KCNIP1: variants seen among roughly 807,000 people sequenced by gnomAD.
KCNIP1 encodes the protein A-type potassium channel modulatory protein KCNIP1.
Under a neutral mutation model 33.0 loss-of-function variants are expected in KCNIP1, and 18 were observed. The ratio of observed to expected loss-of-function variants is 0.55; its 90% CI spans 0.38 to 0.81. KCNIP1 has a LOEUF of 0.81. Ranked by LOEUF, KCNIP1 falls within the 30% of genes least tolerant of loss-of-function variation. The probability of loss-of-function intolerance (pLI) is 0.00; values close to 1 mark genes in which losing one functional copy is unlikely to be tolerated. For missense variants in KCNIP1, 238 were observed against 271.6 expected, an observed-to-expected ratio of 0.88 and a Z score of 0.87; for synonymous variants, 93 against 98.3, an observed-to-expected ratio of 0.95 and a Z score of 0.32.
intron 1 of KCNIP1, among the ~76,000 whole-genome samples, chr5:170,432,723 C>A (rs1755771790): frequency 6.6e-6 from 1 of 152,172 alleles, no homozygotes; most frequent in Non-Finnish European, 1.5e-5. Flanking sequence ...ACAAAGACTA[C>A]CTTGAACCGG....
At chr5:170,519,374 G>A (rs769980238) in intron 1 of KCNIP1, among the ~76,000 whole-genome samples, 35 of 152,136 alleles carry the variant, frequency 2.3e-4, no homozygotes, top group Non-Finnish European at 4.3e-4. Flanking sequence ...TGGCCTGCAG[G>A]CATTTGGGTT....
rs1391977178 is a variant in KCNIP1, at chr5:170,504,907, AG to A, written c.61+276del. Among the ~76,000 whole-genome samples, 1 of 152,242 alleles carries A rather than the reference AG, an allele frequency of 6.6e-6. No homozygotes were observed. Among genetic ancestry groups the A allele is most frequent in the Non-Finnish European group, 1.5e-5 (1 of 68,038 alleles). On this transcript the variant is annotated intron_variant, in intron 1 of 7. Transcript: ENST00000328939. This position sits in a 1 kb window ranked among gnomAD's most constrained non-coding sequence, Gnocchi z 6.0. Reference sequence around the variant, plus strand: ...TCCTGGGGAAATCTCTGAGAGCCGAAGGAAGCGGCATGTTCACAGGTGGGGG... The same window carrying A: ...TCCTGGGGAAATCTCTGAGAGCCGAAGAAGCGGCATGTTCACAGGTGGGGG...
chr5:170,420,230 C>A (rs1755446284), intron 1 of KCNIP1, among the ~76,000 whole-genome samples: 1 of 152,178 alleles, frequency 6.6e-6, no homozygotes, highest in Non-Finnish European at 1.5e-5. Flanking sequence ...CCTGAGACAG[C>A]AGGGCCAGCC....
At chr5:170,640,773 G>A (rs755955931) in intron 1 of KCNIP1, among the ~76,000 whole-genome samples, 2 of 152,142 alleles carry the variant, frequency 1.3e-5, no homozygotes, top group African/African-American at 2.4e-5. Context: ...TCCCCAACAC[G>A]CCTTCTTGTC....
chr5:170,599,302 C>T (rs550217862), intron 1 of KCNIP1, among the ~76,000 whole-genome samples: 35 of 152,262 alleles, frequency 2.3e-4, no homozygotes, highest in African/African-American at 8.4e-4. Context: ...CACCGCAGCA[C>T]ACCGTGCATC....
At chr5:170,392,583 G>A (rs747802728) in intron 1 of KCNIP1, among the ~76,000 whole-genome samples, 16 of 152,262 alleles carry the variant, frequency 1.1e-4, no homozygotes, top group Admixed American at 5.9e-4. Context: ...AGCACTTTTC[G>A]AGACCAAGGC....
intron 1 of KCNIP1, among the ~76,000 whole-genome samples, chr5:170,415,097 T>C (rs1755292593): frequency 6.6e-6 from 1 of 152,238 alleles, no homozygotes; most frequent in Non-Finnish European, 1.5e-5. Context: ...TCCTGTCATA[T>C]ATATTTTTCT....
At chr5:170,735,337 G>A (rs961081981) in intron 7 of KCNIP1, among the ~76,000 whole-genome samples, 12 of 151,870 alleles carry the variant, frequency 7.9e-5, no homozygotes, top group African/African-American at 2.4e-4. Context: ...AAAATATCTC[G>A]AATAAAAATA....
In KCNIP1 at chr5:170,504,181, G is replaced by A; in HGVS notation, c.-392G>A. The A allele has an allele frequency of 2.2e-5, 22 of 1,014,896 alleles. No homozygotes were observed. The highest frequency in any genetic ancestry group is 2.4e-5 in the Non-Finnish European group (20 of 850,004). The allele number at this position is 1,014,896 out of a possible 1,614,324, so 62.9% of individuals were successfully genotyped here. A position where few individuals can be genotyped will look rare whatever the true frequency, so the allele number is the denominator to read the frequency against. On this transcript the variant is annotated 5_prime_UTR_variant, in exon 1 of 8. Coordinates refer to ENST00000328939, the MANE Select transcript of KCNIP1 (RefSeq NM_014592.4). This position sits in a 1 kb window ranked among gnomAD's most constrained non-coding sequence, Gnocchi z 6.0. Reference sequence around the variant, plus strand: ...GAGCCGAGTGTGCGGCAGGAGGGGCGGGCGGACGGCGGCTCCCGCACCGCA... The same window carrying A: ...GAGCCGAGTGTGCGGCAGGAGGGGCAGGCGGACGGCGGCTCCCGCACCGCA...
At chr5:170,509,329 A>G (rs541687326) in intron 1 of KCNIP1, among the ~76,000 whole-genome samples, 1 of 152,300 alleles carries the variant, frequency 6.6e-6, no homozygotes, top group African/African-American at 2.4e-5. Context: ...ATCCCAGAAG[A>G]AGCTCAATGG....
intron 1 of KCNIP1, among the ~76,000 whole-genome samples, chr5:170,572,551 A>G (rs370100680): frequency 6.6e-6 from 1 of 152,240 alleles, no homozygotes; most frequent in South Asian, 2.1e-4. Flanking sequence ...TGGTGTGCAG[A>G]AATCACTCGC....
At chr5:170,679,691 A>G (rs983937416) in intron 1 of KCNIP1, among the ~76,000 whole-genome samples, 4 of 148,934 alleles carry the variant, frequency 2.7e-5, no homozygotes, top group Non-Finnish European at 4.5e-5. Context: ...TAATATTAAC[A>G]TTGGTAATAG....
chr5:170,580,166 G>C (rs1044180000), intron 1 of KCNIP1, among the ~76,000 whole-genome samples: 6 of 152,056 alleles, frequency 3.9e-5, no homozygotes, highest in Admixed American at 1.3e-4. Flanking sequence ...ACTGGTCCAC[G>C]TCCAGTGGGT....
At chr5:170,672,964 C>T (rs999642849) in intron 1 of KCNIP1, among the ~76,000 whole-genome samples, 9 of 152,230 alleles carry the variant, frequency 5.9e-5, no homozygotes, top group Non-Finnish European at 1.3e-4. Flanking sequence ...TTTTCAGAAT[C>T]TATAGAATCA....
chr5:170,371,423 AGTT>A (rs1403921874), intron 1 of KCNIP1, among the ~76,000 whole-genome samples: 2 of 152,186 alleles, frequency 1.3e-5, no homozygotes, highest in Non-Finnish European at 2.9e-5. Flanking sequence ...AGCTCTCAAT[AGTT>A]GACCTTGACC....
intron 1 of KCNIP1, among the ~76,000 whole-genome samples, chr5:170,432,529 G>A (rs1755768484): frequency 6.6e-6 from 1 of 152,210 alleles, no homozygotes; most frequent in South Asian, 2.1e-4. Context: ...TGGGGGCTAT[G>A]ATACGAGCCC....
intron 1 of KCNIP1, among the ~76,000 whole-genome samples, chr5:170,604,962 G>A (rs550154550): frequency 2.7e-4 from 41 of 152,360 alleles, no homozygotes; most frequent in African/African-American, 9.9e-4. Context: ...TTCTGAGCCA[G>A]GGGGTCTCCC....
At chr5:170,680,037 T>C (rs1762277589) in intron 1 of KCNIP1, among the ~76,000 whole-genome samples, 1 of 152,230 alleles carries the variant, frequency 6.6e-6, no homozygotes, top group Non-Finnish European at 1.5e-5. Flanking sequence ...CAAGAGAGTG[T>C]CTTTGCTCCA....
chr5:170,507,457 A>G (rs1359424072), intron 1 of KCNIP1, among the ~76,000 whole-genome samples: 3 of 152,224 alleles, frequency 2.0e-5, no homozygotes, highest in Non-Finnish European at 4.4e-5. Context: ...CCAAATGTCC[A>G]GAGTAAGGCC....
Sources: gnomAD v4.1 joint callset for allele counts (sites outside exome capture counted in the v4.1 genomes callset) on GRCh38, gnomAD v4.1.1 for gene constraint, Gnocchi (gnomAD v3.1) non-coding constraint, MANE v1.5 for transcripts, NCBI Gene and HGNC (gene_info 2026-07-23, HGNC 2026-07-21) for gene names.